LHX3: variants seen among roughly 807,000 people sequenced by gnomAD.
LHX3 encodes LIM/homeobox protein Lhx3.
Under a neutral mutation model 32.4 loss-of-function variants are expected in LHX3, and 21 were observed. That is an observed-to-expected ratio of 0.65 (90% CI 0.46 to 0.93). The LOEUF is 0.93. Among genes scored for constraint, LHX3 ranks in the 40% least tolerant of loss-of-function variants. The pLI is 0.00. For synonymous variants in LHX3, 258 were observed against 246.8 expected, an observed-to-expected ratio of 1.05 and a Z score of -0.43; for missense variants, 626 against 560.0, an observed-to-expected ratio of 1.12 and a Z score of -1.19.
rs760278167 is a variant in LHX3 at position 136,199,934 on chromosome 9, C to G, written c.252-54G>C. ...GCGGAAGCGCGAGGCTCATTTCGCC[C>G]CGAGCGGGTTGGAGAGAGGCAAGCG... On this transcript the variant is annotated intron_variant, in intron 2 of 5. Coordinates refer to ENST00000371748, the MANE Select transcript of LHX3 (RefSeq NM_178138.6). The G allele has an allele frequency of 4.6e-6, 7 of 1,530,174 alleles. No homozygotes were observed. In the South Asian group the frequency reaches 8.3e-5, roughly 18 times the overall value. 94.8% of individuals were successfully genotyped at this position (1,530,174 alleles called of 1,614,324 possible). A position where few individuals can be genotyped will look rare whatever the true frequency, so the allele number is the denominator to read the frequency against.
chr9:136,201,108 G>T, intron 1 of LHX3: 1 of 1,409,548 alleles, frequency 7.1e-7, no homozygotes, highest in Non-Finnish European at 9.2e-7. Flanking sequence ...CCACCCCAGG[G>T]GGATCTGCTC....
At position 136,202,637 on chromosome 9, in the gene LHX3, C is replaced by T. The variant is rs184123915; in HGVS notation, c.80-1884G>A. Among the ~76,000 whole-genome samples, 75 of 152,318 alleles carry T rather than the reference C, an allele frequency of 4.9e-4. 1 individual carries two copies. The East Asian group carries it at 0.012, about 24-fold the overall frequency. ...CTGTCCCGTGGTCACTGCCCCGCCA[C>T]TGCTCCCTGCGCCTCCTCCAGCCCA... On this transcript the variant is annotated intron_variant, in intron 1 of 5. Transcript: ENST00000371748.
rs149095968 is a variant in LHX3, at chr9:136,197,271, G to A, written c.*54C>T. 36 of 1,593,604 alleles carry A rather than the reference G, an allele frequency of 2.3e-5. No homozygotes were observed. Among genetic ancestry groups the A allele is most frequent in the Middle Eastern group, 4.4e-4 (2 of 4,530 alleles). ...TCGGAAACCCCAGCAGCCCCGAGCC[G>A]CCCACCCAGGGGCAGCTCCCTCGTG... On this transcript the variant is annotated 3_prime_UTR_variant, in exon 6 of 6. Transcript: ENST00000371748.
rs768626735 is a variant in LHX3, at chr9:136,199,061, T to C, written c.455-2A>G. The C allele has an allele frequency of 1.6e-5, 25 of 1,530,008 alleles. No individual in the cohort carries two copies. The highest frequency in any genetic ancestry group is 1.7e-5 in the Non-Finnish European group (20 of 1,144,180). 94.8% of individuals were successfully genotyped at this position (1,530,008 alleles called of 1,614,324 possible). On this transcript the variant is annotated splice_acceptor_variant, in intron 3 of 5. Coordinates refer to ENST00000371748, the MANE Select transcript of LHX3 (RefSeq NM_178138.6). LOFTEE classifies it high-confidence loss of function. ...GCCGCTTGGCCGTGGCCTCGGCCTCTGCGCGGCGGGCGAGCGGTGAGGCGC... is the reference window on the plus strand; with the variant it reads ...GCCGCTTGGCCGTGGCCTCGGCCTCCGCGCGGCGGGCGAGCGGTGAGGCGC...
intron 1 of LHX3, chr9:136,201,650 C>T (rs1831641902): frequency 5.0e-6 from 5 of 991,184 alleles, no homozygotes; most frequent in African/African-American, 3.5e-5. Context: ...CTGTGGACCC[C>T]GCCGGCTCCA....
chr9:136,201,329 A>G (rs1257167645), intron 1 of LHX3: 1 of 1,255,776 alleles, frequency 8.0e-7, no homozygotes, highest in East Asian at 3.0e-5. Context: ...AAAATTACTT[A>G]TGAGTGGACT....
rs748687316 is a variant in LHX3 at position 136,202,930 on chromosome 9, C to A, written c.79+2004G>T. On this transcript the variant is annotated intron_variant, in intron 1 of 5. Coordinates refer to ENST00000371748, the MANE Select transcript of LHX3 (RefSeq NM_178138.6). ...TCCTGGTCTCCCCGGTGCAGCCACT[C>A]GGCCCGGGCACCCACCTCGGCGCAG... The A allele has an allele frequency of 2.0e-6, 3 of 1,532,070 alleles. No homozygotes were observed. The highest frequency in any genetic ancestry group is 1.2e-5 in the South Asian group (1 of 83,914). 94.9% of individuals were successfully genotyped at this position (1,532,070 alleles called of 1,614,324 possible). A position where few individuals can be genotyped will look rare whatever the true frequency, so the allele number is the denominator to read the frequency against.
Position 136,200,687 on chromosome 9 carries a change from C to T in LHX3, c.146G>A (p.Arg49His), listed in dbSNP as rs1185140701. Residue 49 changes from arginine to histidine, a missense_variant, in exon 2 of 6, where the codon CGC (arginine) becomes CAC (histidine). By Grantham distance (29) the Arg-to-His change is conservative. Transcript: ENST00000371748. ...LDRFILKALD[R>H]HWHSKCLKCS... ...CTTGAGACACTTGCTGTGCCAGTGG[C>T]GGTCCAGAGCCTTGAGGATGAAGCG... 10 of 1,613,446 alleles carry T rather than the reference C, an allele frequency of 6.2e-6. No individual in the cohort carries two copies. Among genetic ancestry groups the T allele is most frequent in the South Asian group, 3.3e-5 (3 of 91,086 alleles).
chr9:136,199,526 C>G (rs1201645098), intron 3 of LHX3, 152 bp downstream of exon 3: 3 of 835,320 alleles, frequency 3.6e-6, no homozygotes, highest in East Asian at 2.7e-5. Context: ...CCGCCGTTCC[C>G]GGCCTCGGCT....
At chr9:136,200,292 G>A (rs1439496505) in intron 2 of LHX3, 2 of 554,318 alleles carry the variant, frequency 3.6e-6, no homozygotes, top group Non-Finnish European at 6.5e-6. Flanking sequence ...TACAAATAGG[G>A]GTGTATCTTC....
rs1831590027 is a variant in LHX3 at position 136,199,696 on chromosome 9, C to T, written c.436G>A (p.Glu146Lys). 1.2e-6 allele frequency: 2 copies of T among 1,612,820 alleles called. No individual in the cohort carries two copies. Among genetic ancestry groups the T allele is most frequent in the African/African-American group, 1.3e-5 (1 of 74,950 alleles). The change falls in exon 3 of 6, where the codon GAA becomes AAA. Residue 146 changes from glutamate (E) to lysine (K), a missense_variant. By Grantham distance (56) the Glu-to-Lys change is moderately conservative. Transcript: ENST00000371748. ...DSRLVCKADYETAKQREAEAT... is the reference protein window; with the variant it reads ...DSRLVCKADYKTAKQREAEAT... ...GGCTGACCTCGCTGCTTGGCGGTTTCGTAGTCCGCCTTGCACACGAGCCGG... is the reference window on the plus strand; with the variant it reads ...GGCTGACCTCGCTGCTTGGCGGTTTTGTAGTCCGCCTTGCACACGAGCCGG...
Position 136,205,078 on chromosome 9 carries a change from G to C in LHX3, c.-66C>G. On this transcript the variant is annotated 5_prime_UTR_variant, in exon 1 of 6. Transcript: ENST00000371748. The stretch of plus-strand genomic sequence containing the variant: ...AGGTCAGCGTCCCCTGGAGGGTTCG[G>C]GGCTCCCAAGTCCCGCCGCGTCGTG... The C allele has an allele frequency of 7.3e-7, 1 of 1,366,806 alleles. No homozygotes were observed. The highest frequency in any genetic ancestry group is 1.0e-6 in the Non-Finnish European group (1 of 1,004,360). 84.7% of individuals were successfully genotyped at this position (1,366,806 alleles called of 1,614,324 possible).
chr9:136,201,830 C>T (rs1316100028), intron 1 of LHX3, among the ~76,000 whole-genome samples: 1 of 152,202 alleles, frequency 6.6e-6, no homozygotes, highest in African/African-American at 2.4e-5. Flanking sequence ...GCTGCGCGCC[C>T]GGGGTCCCCA....
chr9:136,197,858 A>C, intron 5 of LHX3, 115 bp from the exon 6 acceptor site: 1 of 1,120,806 alleles, frequency 8.9e-7, no homozygotes, highest in Non-Finnish European at 1.3e-6. Context: ...GCCCCACACC[A>C]CATGACAGGT....
chr9:136,204,932 AC>A lies in LHX3; in HGVS notation c.79+1del. The A allele has an allele frequency of 6.3e-7, 1 of 1,595,482 alleles. No individual in the cohort carries two copies. Among genetic ancestry groups the A allele is most frequent in the Non-Finnish European group, 8.5e-7 (1 of 1,172,584 alleles). On this transcript the variant is annotated splice_donor_variant, in intron 1 of 5. Coordinates refer to ENST00000371748, the MANE Select transcript of LHX3 (RefSeq NM_178138.6). LOFTEE classifies it high-confidence loss of function. ...TGTCCTCAGTGTCCTGCTGGGGCTT[AC>A]CCCGAGTCCCGCCCAAGGTGCAGAC...
intron 3 of LHX3, among the ~76,000 whole-genome samples, 183 bp downstream of exon 3, chr9:136,199,495 G>A (rs1374363013): frequency 6.6e-6 from 1 of 152,284 alleles, no homozygotes; most frequent in Admixed American, 6.5e-5. Flanking sequence ...AGCGGTTCGG[G>A]ACGCGGGTCT....
intron 3 of LHX3, 22 bp downstream of exon 3, chr9:136,199,656 G>A (rs749488560): frequency 1.9e-6 from 3 of 1,611,388 alleles, no homozygotes; most frequent in Non-Finnish European, 2.5e-6. Context: ...GGAAAGGTGG[G>A]AGCGTCGTCC....
chr9:136,204,973 G>T lies in LHX3; in HGVS notation c.40C>A (p.Pro14Thr), dbSNP rs1309290505. 1.9e-6 allele frequency: 3 copies of T among 1,596,298 alleles called. No homozygotes were observed. Among genetic ancestry groups the T allele is most frequent in the Non-Finnish European group, 2.6e-6 (3 of 1,174,938 alleles). The change falls in exon 1 of 6, where the codon CCC becomes ACC. Residue 14 changes from proline (P) to threonine (T), a missense_variant. By Grantham distance (38) the Pro-to-Thr change is conservative (BLOSUM62 -1). Transcript: ENST00000371748. Reference protein sequence around the residue: ...ETGLERDRARPGAAAVCTLGG... With the variant: ...ETGLERDRARTGAAAVCTLGG... ...AAGGTGCAGACGGCGGCGGCCCCGG[G>T]CCTCGCTCGGTCGCGCTCGAGCCCC...
rs760970134 is a variant in LHX3 at position 136,198,767 on chromosome 9, G to T, written c.660C>A (p.Gly220=). The change falls in exon 5 of 6, where the codon GGC becomes GGA. Residue 220 remains glycine, a synonymous_variant. Transcript: ENST00000371748. ...GGAAATACTGCCCCCAGCGCTGCCG[G>T]CCGGCGTCCTTCTTCAGCCTCTTCT... The part of the protein sequence containing the change: ...AKEKRLKKDA[G]RQRWGQYFRN... 1 of 1,611,132 alleles carries T rather than the reference G, an allele frequency of 6.2e-7. No homozygotes were observed. The highest frequency in any genetic ancestry group is 1.7e-5 in the Admixed American group (1 of 60,004).
Sources: gnomAD v4.1 joint callset for allele counts (sites outside exome capture counted in the v4.1 genomes callset) on GRCh38, gnomAD v4.1.1 for gene constraint, MANE v1.5 for transcripts, NCBI Gene and HGNC (gene_info 2026-07-23, HGNC 2026-07-21) for gene names.